The following NAALADL2 variants were observed in gnomAD, a reference collection of about 807,000 sequenced individuals.
The protein encoded by NAALADL2 is inactive N-acetylated-alpha-linked acidic dipeptidase-like protein 2.
In NAALADL2, 76 loss-of-function variants were observed where a neutral mutation model predicts 87.2. That is an observed-to-expected ratio of 0.87 (90% CI 0.72 to 1.05). NAALADL2 has a LOEUF of 1.05. NAALADL2 is among the 50% of genes least tolerant of loss of function. NAALADL2 has a pLI of 0.00. For synonymous variants in NAALADL2, 354 were observed against 331.0 expected, an observed-to-expected ratio of 1.07 and a Z score of -0.75; for missense variants, 1,089 against 945.8, an observed-to-expected ratio of 1.15 and a Z score of -1.99.
At chr3:175,673,166 A>G (rs1311416666) in intron 11 of NAALADL2, among the ~76,000 whole-genome samples, 2 of 152,174 alleles carry the variant, frequency 1.3e-5, no homozygotes, top group Non-Finnish European at 2.9e-5. Flanking sequence ...CCTATACAGA[A>G]TATCTTTTTA....
rs71624288 is a variant in NAALADL2 at position 174,642,749 on chromosome 3, CATATATATATATATATATAT to C, written c.-115+92133_-115+92152del. ...GTAATATCAGTGCCATGAAAAAAAA[CATATATATATATATATATAT>C]ATATATATATATATATATATGTTTT... On this transcript the variant is annotated intron_variant, in intron 2 of 3. Coordinates refer to the NAALADL2 transcript ENST00000434257. 5.1e-3 allele frequency among the ~76,000 whole-genome samples: 661 copies of C among 130,282 alleles called. 10 individuals carry two copies. The highest frequency in any genetic ancestry group is 0.018 in the African/African-American group (598 of 33,964). The allele number at this position is 130,282 out of a possible 152,430, so 85.5% of individuals were successfully genotyped here. A position where few individuals can be genotyped will look rare whatever the true frequency, so the allele number is the denominator to read the frequency against.
At chr3:175,638,212 G>T (rs371146554) in intron 11 of NAALADL2, among the ~76,000 whole-genome samples, 1 of 152,136 alleles carries the variant, frequency 6.6e-6, no homozygotes, top group East Asian at 1.9e-4. Flanking sequence ...TTTATATGCC[G>T]TAGAGATATT....
At chr3:174,976,946 T>G (rs907629250) in intron 1 of NAALADL2, among the ~76,000 whole-genome samples, 7 of 152,168 alleles carry the variant, frequency 4.6e-5, no homozygotes, top group African/African-American at 1.7e-4. Flanking sequence ...AGTTCCCAGA[T>G]GTGAAAATTA....
chr3:175,110,702 A>G (rs1724041364), intron 2 of NAALADL2, among the ~76,000 whole-genome samples: 3 of 151,860 alleles, frequency 2.0e-5, no homozygotes, highest in Admixed American at 1.3e-4. Flanking sequence ...AATAACAAAG[A>G]GTACTGATAT....
Position 174,674,144 on chromosome 3 carries a change from T to C in NAALADL2, c.-114-63497T>C, listed in dbSNP as rs143221228. Among the ~76,000 whole-genome samples, 7 of 151,940 alleles carry C rather than the reference T, an allele frequency of 4.6e-5. No homozygotes were observed. The East Asian group carries it at 9.7e-4, about 21-fold the overall frequency. On this transcript the variant is annotated intron_variant, in intron 2 of 3. Coordinates refer to the NAALADL2 transcript ENST00000434257. ...GGAAGGAGAAGAGGGAACAGACATGTCATATGGTAAAAGCAGGAGGAAGAG... is the reference window on the plus strand; with the variant it reads ...GGAAGGAGAAGAGGGAACAGACATGCCATATGGTAAAAGCAGGAGGAAGAG...
chr3:174,694,893 A>G (rs902542998), intron 2 of NAALADL2, among the ~76,000 whole-genome samples: 11 of 152,046 alleles, frequency 7.2e-5, no homozygotes, highest in Non-Finnish European at 8.8e-5. Context: ...GTAGCTGCCA[A>G]CAAGCCCTCT....
intron 11 of NAALADL2, among the ~76,000 whole-genome samples, chr3:175,704,396 T>C (rs1437850621): frequency 6.6e-6 from 1 of 152,212 alleles, no homozygotes; most frequent in Non-Finnish European, 1.5e-5. Flanking sequence ...ATAATACTTC[T>C]GCACAAACCC....
chr3:175,049,519 A>G (rs750852365), intron 1 of NAALADL2, among the ~76,000 whole-genome samples: 5 of 152,194 alleles, frequency 3.3e-5, no homozygotes, highest in African/African-American at 7.2e-5. Flanking sequence ...TGGCCAGCCA[A>G]TGCTATCGTC....
intron 9 of NAALADL2, among the ~76,000 whole-genome samples, chr3:175,501,743 A>T (rs1036319043): frequency 3.9e-5 from 6 of 152,154 alleles, no homozygotes; most frequent in Admixed American, 6.6e-5. Context: ...TTGGATAGAA[A>T]TGACTAGTAG....
intron 1 of NAALADL2, among the ~76,000 whole-genome samples, chr3:174,979,424 G>A (rs944938012): frequency 6.7e-6 from 1 of 148,284 alleles, no homozygotes; most frequent in African/African-American, 2.5e-5. Context: ...TCCTGCCTCA[G>A]TCTCCCAAGT....
At chr3:174,670,625 C>A (rs1421481236) in intron 2 of NAALADL2, among the ~76,000 whole-genome samples, 17 of 151,884 alleles carry the variant, frequency 1.1e-4, no homozygotes, top group Non-Finnish European at 1.0e-4. Context: ...AATGAGTTAT[C>A]ATCAAGTCTT....
chr3:175,211,154 G>C (rs537932509), intron 2 of NAALADL2, among the ~76,000 whole-genome samples: 2 of 151,826 alleles, frequency 1.3e-5, no homozygotes, highest in Admixed American at 6.6e-5. Context: ...GATGAGAGAA[G>C]GTGGGGGCAT....
At chr3:174,596,871 C>A (rs2108599378) in intron 2 of NAALADL2, among the ~76,000 whole-genome samples, 1 of 152,266 alleles carries the variant, frequency 6.6e-6, no homozygotes, top group African/African-American at 2.4e-5. Flanking sequence ...CATGGCCAGT[C>A]AGTGATGGAG....
chr3:175,623,391 C>A (rs901142733), intron 10 of NAALADL2, among the ~76,000 whole-genome samples: 3 of 152,000 alleles, frequency 2.0e-5, no homozygotes, highest in African/African-American at 7.2e-5. Context: ...GAATTAAAAT[C>A]TTGAGGTCTG....
intron 11 of NAALADL2, among the ~76,000 whole-genome samples, chr3:175,730,400 ATATATATATATATATATATAT>A (rs1743525826): frequency 1.5e-4 from 1 of 6,778 alleles, no homozygotes; most frequent in Admixed American, 1.0e-3. Context: ...ATACAGATAT[ATATATATATATATATATATAT>A]ATATATATAT....
At chr3:175,546,618 G>C (rs1048513199) in intron 9 of NAALADL2, among the ~76,000 whole-genome samples, 1 of 152,020 alleles carries the variant, frequency 6.6e-6, no homozygotes, top group Non-Finnish European at 1.5e-5. Context: ...TGTTTGAAAA[G>C]GATCTTATTT....
intron 3 of NAALADL2, among the ~76,000 whole-genome samples, chr3:174,839,861 G>A (rs112422571): frequency 0.023 from 3,523 of 151,916 alleles, 113 homozygotes; most frequent in African/African-American, 0.069. Flanking sequence ...ATAGTTGTTC[G>A]CATGGATGCG....
chr3:174,486,612 C>G (rs1290493704), intron 1 of NAALADL2, among the ~76,000 whole-genome samples: 1 of 152,046 alleles, frequency 6.6e-6, no homozygotes, highest in Admixed American at 6.6e-5. Context: ...TGTGATGTCA[C>G]TTCTCTGATG....
Position 175,651,980 on chromosome 3 carries a change from A to G in NAALADL2, c.1896+24594A>G, listed in dbSNP as rs531373000. Among the ~76,000 whole-genome samples, 5 of 152,350 alleles carry G rather than the reference A, an allele frequency of 3.3e-5. No homozygotes were observed. In the East Asian group the frequency reaches 7.7e-4, roughly 24 times the overall value. On this transcript the variant is annotated intron_variant, in intron 11 of 13. Transcript: ENST00000454872. ...GTTCAGAGCAGTGTTTGTTCATAAC[A>G]TAAAAGCCGTATTCTTTTTTTATTA...
Sources: gnomAD v4.1 joint callset for allele counts (sites outside exome capture counted in the v4.1 genomes callset) on GRCh38, gnomAD v4.1.1 for gene constraint, MANE v1.5 for transcripts, NCBI Gene and HGNC (gene_info 2026-07-23, HGNC 2026-07-21) for gene names.